Variants in GABRB2 observed in about 807,000 individuals in gnomAD.
GABRB2 encodes gamma-aminobutyric acid type A receptor subunit beta2.
GABRB2 carries 16 observed loss-of-function variants against 54.7 expected under a neutral mutation model. That is an observed-to-expected ratio of 0.29 (90% CI 0.20 to 0.44). The LOEUF (loss-of-function observed/expected upper bound fraction) is 0.44, where lower values mean the gene tolerates loss of function less well. Among genes scored for constraint, GABRB2 ranks in the 20% least tolerant of loss-of-function variants. GABRB2 has a pLI of 1.00. For missense variants in GABRB2, 355 were observed against 644.0 expected, an observed-to-expected ratio of 0.55 and a Z score of 4.86; for synonymous variants, 244 against 233.8, an observed-to-expected ratio of 1.04 and a Z score of -0.40.
At chr5:161,403,669 A>G (rs1056584387) in intron 5 of GABRB2, among the ~76,000 whole-genome samples, 2 of 152,152 alleles carry the variant, frequency 1.3e-5, no homozygotes, top group African/African-American at 2.4e-5. Flanking sequence ...TAAAACCAAA[A>G]GGATATTCCA....
At chr5:161,381,767 A>T (rs1423433269) in intron 5 of GABRB2, among the ~76,000 whole-genome samples, 1 of 152,222 alleles carries the variant, frequency 6.6e-6, no homozygotes, top group Non-Finnish European at 1.5e-5. Context: ...GCAAACTCAG[A>T]TTCAAATCCA....
intron 4 of GABRB2, among the ~76,000 whole-genome samples, chr5:161,436,845 C>A (rs1212778588): frequency 6.6e-6 from 1 of 152,040 alleles, no homozygotes; most frequent in Non-Finnish European, 1.5e-5. Context: ...GAGAACACAG[C>A]AATTTTGAGG....
chr5:161,306,088 A>G (rs10050588), intron 9 of GABRB2, among the ~76,000 whole-genome samples: 16,117 of 151,866 alleles, frequency 0.11, 1,069 homozygotes, highest in African/African-American at 0.17. Context: ...TCGTTGGAGG[A>G]CTCATGGTTC....
chr5:161,450,343 A>AT (rs910212045), intron 4 of GABRB2, among the ~76,000 whole-genome samples: 1 of 152,198 alleles, frequency 6.6e-6, no homozygotes, highest in African/African-American at 2.4e-5. Flanking sequence ...TAGAAAAAAA[A>AT]GAAAAGAGGC....
chr5:161,434,444 C>G (rs1383174676), intron 4 of GABRB2, among the ~76,000 whole-genome samples: 1 of 152,118 alleles, frequency 6.6e-6, no homozygotes, highest in Admixed American at 6.6e-5. Context: ...TAACAAAAGA[C>G]TCTTCTTCCC....
chr5:161,523,800 T>C (rs1236643848), intron 3 of GABRB2, among the ~76,000 whole-genome samples: 1 of 151,526 alleles, frequency 6.6e-6, no homozygotes, highest in Non-Finnish European at 1.5e-5. Flanking sequence ...ATATATACTG[T>C]AGGACTACTA....
intron 5 of GABRB2, among the ~76,000 whole-genome samples, chr5:161,394,890 C>A (rs1390167669): frequency 6.6e-6 from 1 of 152,026 alleles, no homozygotes; most frequent in South Asian, 2.1e-4. Flanking sequence ...CCTAAAAAGG[C>A]ATTTCCAAAA....
At chr5:161,520,456 T>C (rs1448187045) in intron 3 of GABRB2, among the ~76,000 whole-genome samples, 3 of 152,236 alleles carry the variant, frequency 2.0e-5, no homozygotes, top group Admixed American at 6.5e-5. Context: ...ATGATCCTAT[T>C]TTTTATTTTA....
intron 9 of GABRB2, among the ~76,000 whole-genome samples, chr5:161,300,973 A>G (rs1335370864): frequency 6.6e-6 from 1 of 152,200 alleles, no homozygotes; most frequent in South Asian, 2.1e-4. Flanking sequence ...CAGGCATTGC[A>G]TTAAAGGTTT....
At chr5:161,358,126 G>T (rs1196495499) in intron 5 of GABRB2, among the ~76,000 whole-genome samples, 3 of 152,086 alleles carry the variant, frequency 2.0e-5, no homozygotes, top group Non-Finnish European at 2.9e-5. Context: ...AAACCACAAA[G>T]AAATCACTGA....
chr5:161,385,885 C>T (rs905824441), intron 5 of GABRB2, among the ~76,000 whole-genome samples: 2 of 149,972 alleles, frequency 1.3e-5, no homozygotes, highest in South Asian at 4.2e-4. Flanking sequence ...AGTAAAACAT[C>T]TAAAACATTT....
At chr5:161,367,025 A>G (rs1375047278) in intron 5 of GABRB2, among the ~76,000 whole-genome samples, 1 of 152,216 alleles carries the variant, frequency 6.6e-6, no homozygotes, top group Non-Finnish European at 1.5e-5. Context: ...TATTGTTTAA[A>G]GAAAAATCAA....
At chr5:161,503,159 T>C (rs1428709252) in intron 3 of GABRB2, among the ~76,000 whole-genome samples, 3 of 151,904 alleles carry the variant, frequency 2.0e-5, no homozygotes, top group Non-Finnish European at 2.9e-5. Flanking sequence ...ATTTTGGTAT[T>C]CTTAGATAAA....
At chr5:161,427,836 G>T (rs922739902) in intron 4 of GABRB2, among the ~76,000 whole-genome samples, 1 of 152,110 alleles carries the variant, frequency 6.6e-6, no homozygotes, top group African/African-American at 2.4e-5. Context: ...ATTATAAGTT[G>T]GTTACAATTT....
intron 3 of GABRB2, among the ~76,000 whole-genome samples, chr5:161,531,020 C>T (rs773258100): frequency 1.5e-4 from 23 of 152,118 alleles, no homozygotes; most frequent in Non-Finnish European, 1.3e-4. Context: ...GCAAAAGAAA[C>T]ACAAATATGA....
intron 3 of GABRB2, among the ~76,000 whole-genome samples, chr5:161,540,848 AT>A (rs1241544997): frequency 2.0e-5 from 3 of 151,772 alleles, no homozygotes; most frequent in Non-Finnish European, 4.4e-5. Context: ...CATTATTATT[AT>A]TATTATTATT....
chr5:161,376,704 C>A (rs1755314425), intron 5 of GABRB2, among the ~76,000 whole-genome samples: 1 of 152,046 alleles, frequency 6.6e-6, no homozygotes. Flanking sequence ...CCAACATTAA[C>A]CAATACACTG....
chr5:161,367,533 A>G (rs1291384981), intron 5 of GABRB2, among the ~76,000 whole-genome samples: 1 of 152,202 alleles, frequency 6.6e-6, no homozygotes, highest in Non-Finnish European at 1.5e-5. Flanking sequence ...ACTAAGAATT[A>G]TCATCTTTTT....
At chr5:161,351,339 A>G (rs1470042056) in intron 5 of GABRB2, among the ~76,000 whole-genome samples, 1 of 152,164 alleles carries the variant, frequency 6.6e-6, no homozygotes, top group Non-Finnish European at 1.5e-5. Context: ...TGGTACTGGC[A>G]TAAAAACAAA....
Sources: allele counts gnomAD v4.1 joint callset (sites outside exome capture counted in the v4.1 genomes callset), GRCh38; gene constraint gnomAD v4.1.1; transcripts MANE v1.5; gene names NCBI Gene and HGNC (gene_info 2026-07-23, HGNC 2026-07-21).